KCNN2: variants seen among roughly 807,000 people sequenced by gnomAD.
KCNN2 encodes potassium calcium-activated channel subfamily N member 2.
In KCNN2, 24 loss-of-function variants were observed where a neutral mutation model predicts 55.5. The ratio of observed to expected loss-of-function variants is 0.43; its 90% confidence interval spans 0.31 to 0.61. KCNN2 has a LOEUF of 0.61. Ranked by LOEUF, KCNN2 falls within the 20% of genes least tolerant of loss-of-function variation. The probability of loss-of-function intolerance (pLI) is 0.08; values close to 1 mark genes in which losing one functional copy is unlikely to be tolerated. For synonymous variants in KCNN2, 431 were observed against 336.1 expected, an observed-to-expected ratio of 1.28 and a Z score of -3.09; for missense variants, 754 against 853.6, an observed-to-expected ratio of 0.88 and a Z score of 1.45.
At chr5:114,337,617 C>A (rs1266665848) in intron 2 of KCNN2, among the ~76,000 whole-genome samples, 1 of 152,080 alleles carries the variant, frequency 6.6e-6, no homozygotes, top group Non-Finnish European at 1.5e-5. Context: ...AGCCAAAGTT[C>A]TTCTTCTTTG....
chr5:114,110,209 A>T (rs1751569767), intron 1 of KCNN2, among the ~76,000 whole-genome samples: 1 of 152,086 alleles, frequency 6.6e-6, no homozygotes, highest in Non-Finnish European at 1.5e-5. Context: ...TTGTTGTATC[A>T]GCACAAGACA....
At chr5:114,295,670 A>T (rs1466494672) in intron 2 of KCNN2, among the ~76,000 whole-genome samples, 1 of 151,898 alleles carries the variant, frequency 6.6e-6, no homozygotes. Context: ...GCAATGCCTC[A>T]CCCTGCTTCA....
At chr5:114,153,652 G>C (rs541149405) in intron 1 of KCNN2, among the ~76,000 whole-genome samples, 2 of 152,150 alleles carry the variant, frequency 1.3e-5, no homozygotes, top group Non-Finnish European at 2.9e-5. Flanking sequence ...TGAATCTTAC[G>C]GTGGATAGTA....
At chr5:114,255,498 G>A (rs574710854) in intron 2 of KCNN2, among the ~76,000 whole-genome samples, 11 of 152,310 alleles carry the variant, frequency 7.2e-5, no homozygotes, top group African/African-American at 2.6e-4. Context: ...GTAGCGGTGA[G>A]AGAGAAACAC....
At chr5:114,062,757 G>C (rs1750359205) in intron 1 of KCNN2, among the ~76,000 whole-genome samples, 1 of 152,136 alleles carries the variant, frequency 6.6e-6, no homozygotes, top group African/African-American at 2.4e-5. Context: ...CTTCTTTCAT[G>C]TATAAGACCT....
At chr5:114,335,159 G>A (rs1052003225) in intron 2 of KCNN2, among the ~76,000 whole-genome samples, 16 of 152,096 alleles carry the variant, frequency 1.1e-4, no homozygotes, top group Admixed American at 1.0e-3. Context: ...TCCTGACCTC[G>A]TGATCCGCCA....
chr5:114,400,876 A>G (rs1307401585), intron 2 of KCNN2, among the ~76,000 whole-genome samples: 1 of 151,984 alleles, frequency 6.6e-6, no homozygotes, highest in Non-Finnish European at 1.5e-5. Flanking sequence ...TCTCTAATGC[A>G]TTATTCTCTA....
At chr5:114,073,366 A>G (rs527468296) in intron 1 of KCNN2, among the ~76,000 whole-genome samples, 100 of 152,306 alleles carry the variant, frequency 6.6e-4, no homozygotes, top group African/African-American at 2.3e-3. Context: ...CTATTGATGT[A>G]TTCACTCTTT....
intron 1 of KCNN2, among the ~76,000 whole-genome samples, chr5:114,198,334 A>ATATATACGTGTATATATACATAGGTGTG (rs1561519151): frequency 2.7e-4 from 41 of 150,296 alleles, no homozygotes; most frequent in African/African-American, 9.0e-4. Context: ...TCATATATAT[A>ATATATACGTGTATATATACATAGGTGTG]TATATATACG....
At chr5:114,352,010 A>C (rs1447912720) in intron 2 of KCNN2, among the ~76,000 whole-genome samples, 1 of 151,716 alleles carries the variant, frequency 6.6e-6, no homozygotes, top group Non-Finnish European at 1.5e-5. Context: ...AATTGCTATT[A>C]ATTGTGTTAA....
chr5:114,411,562 A>G (rs910870824), intron 3 of KCNN2, among the ~76,000 whole-genome samples: 1 of 152,162 alleles, frequency 6.6e-6, no homozygotes, highest in Non-Finnish European at 1.5e-5. Context: ...ATGCAGGTGC[A>G]AGTCCTAGAG....
At chr5:114,320,067 T>C (rs1053077391) in intron 2 of KCNN2, among the ~76,000 whole-genome samples, 1 of 152,190 alleles carries the variant, frequency 6.6e-6, no homozygotes, top group Non-Finnish European at 1.5e-5. Flanking sequence ...AATGGAAATT[T>C]TAACACATAA....
chr5:114,235,617 A>G (rs1170419813), intron 2 of KCNN2, among the ~76,000 whole-genome samples: 6 of 152,280 alleles, frequency 3.9e-5, no homozygotes, highest in African/African-American at 1.4e-4. Flanking sequence ...TGCTTTTGCT[A>G]TGTTTCTGGG....
chr5:114,233,481 C>A (rs1297067626), intron 2 of KCNN2, among the ~76,000 whole-genome samples: 2 of 152,058 alleles, frequency 1.3e-5, no homozygotes, highest in African/African-American at 4.8e-5. Flanking sequence ...TTCAATAGGA[C>A]CATAACACTC....
At chr5:114,065,185 A>G (rs1157155517) in intron 1 of KCNN2, among the ~76,000 whole-genome samples, 1 of 152,184 alleles carries the variant, frequency 6.6e-6, no homozygotes, top group African/African-American at 2.4e-5. Flanking sequence ...AAGAGGAACT[A>G]TCCCTTGGAG....
intron 2 of KCNN2, among the ~76,000 whole-genome samples, chr5:114,386,698 G>GTA (rs1758298964): frequency 1.3e-5 from 2 of 152,136 alleles, no homozygotes; most frequent in African/African-American, 4.8e-5. Context: ...CTATGTATTT[G>GTA]TAATATAAGC....
intron 1 of KCNN2, among the ~76,000 whole-genome samples, chr5:114,074,329 T>TGC (rs869146313): frequency 0.13 from 18,040 of 138,488 alleles, 1,139 homozygotes; most frequent in Middle Eastern, 0.17. Flanking sequence ...TGTGTGTGTG[T>TGC]GCGCGCGCGC....
chr5:114,321,589 C>G (rs1416615467), intron 2 of KCNN2, among the ~76,000 whole-genome samples: 1 of 151,992 alleles, frequency 6.6e-6, no homozygotes, highest in Non-Finnish European at 1.5e-5. Flanking sequence ...ATTGTTTCCT[C>G]TTTGTAATGG....
chr5:114,474,618 T>A (rs1761888738), intron 5 of KCNN2, among the ~76,000 whole-genome samples: 1 of 152,178 alleles, frequency 6.6e-6, no homozygotes, highest in Admixed American at 6.5e-5. Flanking sequence ...TTAGACTACA[T>A]CTAATCCATA....
Sources: allele counts gnomAD v4.1 joint callset (sites outside exome capture counted in the v4.1 genomes callset), GRCh38; gene constraint gnomAD v4.1.1; transcripts MANE v1.5; gene names NCBI Gene and HGNC (gene_info 2026-07-23, HGNC 2026-07-21).